USP1: variants seen among roughly 807,000 people sequenced by gnomAD.
USP1 encodes ubiquitin carboxyl-terminal hydrolase 1.
A neutral mutation model predicts 72.2 loss-of-function variants in USP1; 18 were observed. That is an observed-to-expected ratio of 0.25 (90% CI 0.17 to 0.37). USP1 has a LOEUF of 0.37. USP1 is among the 10% of genes least tolerant of loss of function. The pLI is 1.00. For synonymous variants in USP1, 354 were observed against 303.7 expected, an observed-to-expected ratio of 1.17 and a Z score of -1.72; for missense variants, 759 against 884.9, an observed-to-expected ratio of 0.86 and a Z score of 1.81.
At chr1:62,438,822 T>C (rs1645110976) in intron 1 of USP1, among the ~76,000 whole-genome samples, 1 of 152,236 alleles carries the variant, frequency 6.6e-6, no homozygotes, top group Non-Finnish European at 1.5e-5. Context: ...TCCAAAGTTT[T>C]TTAAAAAGTT....
In USP1 at chr1:62,445,628, ATG is replaced by A. The variant is rs200414459; in HGVS notation, c.1249+217_1249+218del. On this transcript the variant is annotated intron_variant, in intron 6 of 8. Coordinates refer to ENST00000339950, the MANE Select transcript of USP1 (RefSeq NM_003368.5). Reference sequence around the variant, plus strand: ...GTGTGTATATATTGTATGCATATATATGTGTGTGTGTGTGTGTGTAATGTCAT... The same window carrying A: ...GTGTGTATATATTGTATGCATATATATGTGTGTGTGTGTGTGTAATGTCAT... Among the ~76,000 whole-genome samples, 37 of 117,050 alleles carry A rather than the reference ATG, an allele frequency of 3.2e-4. No individual in the cohort carries two copies. The South Asian group carries it at 4.5e-3, about 14-fold the overall frequency. 76.8% of individuals were successfully genotyped at this position (117,050 alleles called of 152,430 possible). A position where few individuals can be genotyped will look rare whatever the true frequency, so the allele number is the denominator to read the frequency against.
At chr1:62,440,179 T>G (rs1051099438) in intron 2 of USP1, 142 bp downstream of exon 2, 2 of 659,546 alleles carry the variant, frequency 3.0e-6, no homozygotes, top group Non-Finnish European at 2.2e-6. Flanking sequence ...ATCTAGCAGT[T>G]TATAGTAGGA....
At chr1:62,448,009 A>G (rs898788607) in intron 7 of USP1, among the ~76,000 whole-genome samples, 3 of 152,042 alleles carry the variant, frequency 2.0e-5, no homozygotes, top group Non-Finnish European at 2.9e-5. Context: ...GATGGTCTCA[A>G]TCTCCTGACC....
At position 62,444,903 on chromosome 1, in the gene USP1, G is replaced by A; in HGVS notation, c.723G>A (p.Glu241=). The A allele has an allele frequency of 2.5e-6, 4 of 1,613,532 alleles. No homozygotes were observed. Among genetic ancestry groups the A allele is most frequent in the Non-Finnish European group, 2.5e-6 (3 of 1,179,796 alleles). ...TKVEEIPHPK[E]EMNGINSIEM... is the part of the protein sequence containing the mutation. ...TAGAAGAAATACCTCATCCGAAAGA[G>A]GAAATGAATGGTATTAACAGCATAG... The change falls in exon 6 of 9, where the codon GAG becomes GAA. Residue 241 remains glutamate (E), a synonymous_variant. Coordinates refer to ENST00000339950, the MANE Select transcript of USP1 (RefSeq NM_003368.5).
Position 62,444,813 on chromosome 1 carries a change from T to A in USP1, c.633T>A (p.Ile211=). ...QEVLQCILGN[I]QETCQLLKKE... is the part of the protein sequence containing the mutation. ...TATTACAATGTATTTTGGGAAACAT[T>A]CAAGAAACATGCCAACTCCTAAAAA... Residue 211 remains isoleucine (I), a synonymous_variant, in exon 6 of 9, where the codon ATT becomes ATA. Transcript: ENST00000339950. The A allele has an allele frequency of 6.2e-7, 1 of 1,613,352 alleles. No homozygotes were observed. The highest frequency in any genetic ancestry group is 1.1e-5 in the South Asian group (1 of 90,970).
chr1:62,438,783 T>G (rs573181865), intron 1 of USP1, among the ~76,000 whole-genome samples: 31 of 152,310 alleles, frequency 2.0e-4, no homozygotes, highest in African/African-American at 7.2e-4. Flanking sequence ...AATCATCTTT[T>G]TTTCCTACTC....
rs1405491664 is a variant in USP1 at position 62,450,391 on chromosome 1, A to G, written c.1768A>G (p.Ser590Gly). 4 of 1,614,162 alleles carry G rather than the reference A, an allele frequency of 2.5e-6. No individual in the cohort carries two copies. The highest frequency in any genetic ancestry group is 3.4e-6 in the Non-Finnish European group (4 of 1,180,028). The change falls in exon 9 of 9, where the codon AGT (serine) becomes GGT (glycine). Residue 590 changes from serine (S) to glycine (G), a missense_variant. This residue lies in a region of USP1 where 140 missense variants were observed against 222.8 expected (regional missense o/e 0.63). Transcript: ENST00000339950. ...AVVMHSGITI[S>G]SGHYTASVKV... ...TGTGATGCATAGTGGCATTACAATT[A>G]GTAGTGGGCATTACACTGCTTCTGT...
In USP1 at chr1:62,440,116, T is replaced by G. The variant is rs184178846; in HGVS notation, c.170+79T>G. 4.1e-4 allele frequency: 520 copies of G among 1,282,706 alleles called. 2 individuals are homozygous for G. In the African/African-American group the frequency reaches 6.8e-3, roughly 17 times the overall value. 79.5% of individuals were successfully genotyped at this position (1,282,706 alleles called of 1,614,324 possible). A position where few individuals can be genotyped will look rare whatever the true frequency, so the allele number is the denominator to read the frequency against. ...ACTTGGTTGACAACTCCAGTCTGAC[T>G]TGATAGTCTGTAGCGGCACAAAAAA... On this transcript the variant is annotated intron_variant, in intron 2 of 8. Coordinates refer to ENST00000339950, the MANE Select transcript of USP1 (RefSeq NM_003368.5).
intron 4 of USP1, among the ~76,000 whole-genome samples, chr1:62,442,946 G>A (rs1378003447): frequency 2.0e-5 from 3 of 152,114 alleles, no homozygotes; most frequent in African/African-American, 7.2e-5. Flanking sequence ...AGGCTCCAGT[G>A]AGCCGCGATC....
rs188283168 is a variant in USP1, at chr1:62,451,030, T to G, written c.*49T>G. On this transcript the variant is annotated 3_prime_UTR_variant, in exon 9 of 9. Transcript: ENST00000339950. ...TATATTAAACACACCCATACAAACA[T>G]TGGTAAAGTTGATTACATCAAAGAA... 3 of 1,474,132 alleles carry G rather than the reference T, an allele frequency of 2.0e-6. No homozygotes were observed. The highest frequency in any genetic ancestry group is 1.8e-6 in the Non-Finnish European group (2 of 1,111,754). The allele number at this position is 1,474,132 out of a possible 1,614,324, so 91.3% of individuals were successfully genotyped here.
chr1:62,436,980 A>G, upstream of USP1: 1 of 396,864 alleles, frequency 2.5e-6, no homozygotes, highest in Non-Finnish European at 4.4e-6. Context: ...CGGCAATTTC[A>G]AAGGACGCCA....
At chr1:62,447,688 G>A (rs1454314805) in intron 7 of USP1, among the ~76,000 whole-genome samples, 177 bp downstream of exon 7, 1 of 152,198 alleles carries the variant, frequency 6.6e-6, no homozygotes, top group African/African-American at 2.4e-5. Context: ...TTGGGAAATT[G>A]TGACATCTTG....
upstream of USP1, chr1:62,437,006 C>T (rs892689307): frequency 7.5e-6 from 3 of 397,822 alleles, no homozygotes; most frequent in Admixed American, 4.4e-5. Flanking sequence ...AATCGCAGCG[C>T]TGGCGCGGGC....
chr1:62,449,557 A>G (rs1399051954), intron 8 of USP1, among the ~76,000 whole-genome samples: 1 of 152,152 alleles, frequency 6.6e-6, no homozygotes, highest in Non-Finnish European at 1.5e-5. Flanking sequence ...CCCTTTGCTA[A>G]TAGTATAAAA....
chr1:62,447,606 G>A, intron 7 of USP1, 95 bp downstream of exon 7: 1 of 1,373,434 alleles, frequency 7.3e-7, no homozygotes, highest in South Asian at 1.5e-5. Flanking sequence ...ATTAGGGAGG[G>A]GAAAAAAGCT....
intron 5 of USP1, among the ~76,000 whole-genome samples, chr1:62,443,599 T>G (rs935494074): frequency 6.6e-6 from 1 of 152,218 alleles, no homozygotes; most frequent in South Asian, 2.1e-4. Flanking sequence ...TAGTAATGTG[T>G]TTAGTTATAG....
intron 7 of USP1, among the ~76,000 whole-genome samples, chr1:62,448,023 T>G (rs1307726756): frequency 6.6e-6 from 1 of 152,190 alleles, no homozygotes; most frequent in African/African-American, 2.4e-5. Flanking sequence ...CCTGACCTCG[T>G]GATCCGCCCG....
chr1:62,450,256 TATG>T lies in USP1; in HGVS notation c.1634_1636del (p.Tyr545_Gly546delinsCys), dbSNP rs757902565. 2.5e-6 allele frequency: 4 copies of T among 1,609,106 alleles called. No individual in the cohort carries two copies. Among genetic ancestry groups the T allele is most frequent in the Admixed American group, 3.3e-5 (2 of 59,756 alleles). ...TTTTTCCTCCCAAAGGTTTGATTGTTATGGTGGTGGACTTTCCAAGATCAACAC... is the reference window on the plus strand; with the variant it reads ...TTTTTCCTCCCAAAGGTTTGATTGTTGTGGTGGACTTTCCAAGATCAACAC... On this transcript the variant is annotated inframe_deletion, in exon 9 of 9. Transcript: ENST00000339950.
intron 1 of USP1, among the ~76,000 whole-genome samples, chr1:62,439,478 C>T (rs943845457): frequency 2.0e-5 from 3 of 152,182 alleles, no homozygotes; most frequent in Admixed American, 6.5e-5. Flanking sequence ...CTATCGCTTC[C>T]GGCCCTTGAA....
Sources: allele counts gnomAD v4.1 joint callset (sites outside exome capture counted in the v4.1 genomes callset), GRCh38; gene constraint gnomAD v4.1.1; regional missense constraint gnomAD v4.1.1; transcripts MANE v1.5; gene names NCBI Gene and HGNC (gene_info 2026-07-23, HGNC 2026-07-21).